The following ATP6V1C1 variants were observed in gnomAD, a reference collection of about 807,000 sequenced individuals.
The protein encoded by ATP6V1C1 is V-type proton ATPase subunit C 1.
A neutral mutation model predicts 53.9 loss-of-function variants in ATP6V1C1; 45 were observed. That is an observed-to-expected ratio of 0.83 (90% CI 0.66 to 1.07). The LOEUF (loss-of-function observed/expected upper bound fraction) is 1.07. Among genes scored for constraint, ATP6V1C1 ranks in the 50% least tolerant of loss-of-function variants. ATP6V1C1 has a pLI of 0.00. For synonymous variants in ATP6V1C1, 153 were observed against 155.2 expected (o/e 0.99, Z 0.11); for missense variants, 315 against 440.3 (o/e 0.72, Z 2.55).
intron 3 of ATP6V1C1, 117 bp downstream of exon 3, chr8:103,042,524 G>A (rs1169975939): frequency 5.3e-6 from 5 of 948,970 alleles, no homozygotes; most frequent in East Asian, 5.2e-5. Context: ...TTTAGAAAAC[G>A]ACTTTTTTCC....
At chr8:103,022,174 T>C (rs998094560) in intron 1 of ATP6V1C1, among the ~76,000 whole-genome samples, 18 of 152,164 alleles carry the variant, frequency 1.2e-4, no homozygotes, top group Admixed American at 1.1e-3. Context: ...TGGGAAGATA[T>C]TCTGGAGGAA....
intron 8 of ATP6V1C1, 54 bp from the exon 9 acceptor site, chr8:103,062,901 A>G: frequency 6.5e-7 from 1 of 1,529,478 alleles, no homozygotes; most frequent in East Asian, 2.3e-5. Context: ...TGCCCTTAAT[A>G]TGAAAGACAG....
chr8:103,040,677 C>T, intron 1 of ATP6V1C1, 121 bp from the exon 2 acceptor site: 2 of 818,298 alleles, frequency 2.4e-6, no homozygotes, highest in Non-Finnish European at 1.8e-6. Flanking sequence ...GCTTGAGATC[C>T]TATGCCAACA....
chr8:103,052,638 T>C, intron 5 of ATP6V1C1, 93 bp from the exon 6 acceptor site: 1 of 609,410 alleles, frequency 1.6e-6, no homozygotes, highest in Non-Finnish European at 2.6e-6. Flanking sequence ...AGTGGGTTTT[T>C]TTGTAGAAGT....
At chr8:103,038,999 G>A (rs983418519) in intron 1 of ATP6V1C1, among the ~76,000 whole-genome samples, 6 of 152,200 alleles carry the variant, frequency 3.9e-5, no homozygotes, top group Admixed American at 2.6e-4. Context: ...TGTAGGTAGA[G>A]CTGATAAAGG....
intron 1 of ATP6V1C1, among the ~76,000 whole-genome samples, chr8:103,035,444 C>G (rs987500379): frequency 6.6e-6 from 1 of 152,076 alleles, no homozygotes; most frequent in African/African-American, 2.4e-5. Flanking sequence ...GATTCTAGCT[C>G]TTCAGGATTT....
chr8:103,045,940 C>CA (rs150464257), intron 3 of ATP6V1C1, among the ~76,000 whole-genome samples: 12,027 of 141,562 alleles, frequency 0.085, 635 homozygotes, highest in Non-Finnish European at 0.11. Context: ...GACTCCGTTT[C>CA]AAAAAAAAAA....
At position 103,048,994 on chromosome 8, in the gene ATP6V1C1, C is replaced by A. The variant is rs772681405; in HGVS notation, c.286+39C>A. ...CATGATTGATCATTATTAACTCATA[C>A]AAAGCAAATAACTAAGCTACAGAAA... On this transcript the variant is annotated intron_variant, in intron 4 of 12. Coordinates refer to ENST00000518738, the MANE Select transcript of ATP6V1C1 (RefSeq NM_001695.5). 3.9e-6 allele frequency: 6 copies of A among 1,558,090 alleles called. No homozygotes were observed. In the African/African-American group the frequency reaches 8.2e-5, roughly 21 times the overall value.
chr8:103,059,200 T>C (rs776859499), intron 8 of ATP6V1C1, among the ~76,000 whole-genome samples: 10 of 152,170 alleles, frequency 6.6e-5, no homozygotes, highest in Non-Finnish European at 1.5e-4. Context: ...CAGAAGTTTC[T>C]CTATGTTTCA....
At chr8:103,039,318 T>C (rs1161315121) in intron 1 of ATP6V1C1, among the ~76,000 whole-genome samples, 1 of 152,168 alleles carries the variant, frequency 6.6e-6, no homozygotes, top group East Asian at 1.9e-4. Flanking sequence ...CTTTCAATGG[T>C]ATTGTAGTGA....
rs540192696 is a variant in ATP6V1C1 at position 103,071,953 on chromosome 8, A to C, written c.*3206A>C. ...TATATTTGGCAGGAACCCAGAGTCC[A>C]GAACATTTCATCTATGATGGGTTAG... On this transcript the variant is annotated 3_prime_UTR_variant, in exon 13 of 13. Coordinates refer to ENST00000518738, the MANE Select transcript of ATP6V1C1 (RefSeq NM_001695.5). The C allele has an allele frequency of 6.6e-6, 1 of 152,382 alleles. No homozygotes were observed. Among genetic ancestry groups the C allele is most frequent in the South Asian group, 2.1e-4 (1 of 4,832 alleles). The allele number at this position is 152,382 out of a possible 1,614,324, so 9.4% of individuals were successfully genotyped here. A position where few individuals can be genotyped will look rare whatever the true frequency, so the allele number is the denominator to read the frequency against.
intron 3 of ATP6V1C1, among the ~76,000 whole-genome samples, chr8:103,044,564 T>A (rs949537368): frequency 1.3e-5 from 2 of 152,236 alleles, no homozygotes; most frequent in African/African-American, 2.4e-5. Flanking sequence ...ATTTCTGGAC[T>A]CTCAGTTCTG....
intron 3 of ATP6V1C1, among the ~76,000 whole-genome samples, chr8:103,046,414 G>A (rs1817097804): frequency 6.6e-6 from 1 of 151,972 alleles, no homozygotes. Context: ...GTCTTGCTAT[G>A]TTGCCCAGGC....
intron 1 of ATP6V1C1, among the ~76,000 whole-genome samples, chr8:103,024,045 G>T (rs758314349): frequency 2.0e-5 from 3 of 152,130 alleles, no homozygotes; most frequent in Non-Finnish European, 4.4e-5. Flanking sequence ...AGTTCATCTG[G>T]AGGAAATAAT....
At chr8:103,023,004 G>A (rs1373508120) in intron 1 of ATP6V1C1, among the ~76,000 whole-genome samples, 1 of 152,156 alleles carries the variant, frequency 6.6e-6, no homozygotes, top group African/African-American at 2.4e-5. Flanking sequence ...AGTGAGCTGT[G>A]ATCATGCCAC....
chr8:103,028,007 T>C (rs1273010426), intron 1 of ATP6V1C1, among the ~76,000 whole-genome samples: 2 of 152,162 alleles, frequency 1.3e-5, no homozygotes, highest in Non-Finnish European at 2.9e-5. Context: ...GTGAGATGAA[T>C]AAGAGCTTTA....
Position 103,053,924 on chromosome 8 carries a change from AAGG to A in ATP6V1C1, c.516_518del (p.Lys172_Asp173delinsAsn). ...TAGAAGTCTAGCAGAAATTGTGAAG[AAGG>A]ATGACTTTGTTCTTGATTCAGAGTA... On this transcript the variant is annotated inframe_deletion, in exon 7 of 13. Transcript: ENST00000518738. 1 of 1,611,824 alleles carries A rather than the reference AAGG, an allele frequency of 6.2e-7. No individual in the cohort carries two copies. The highest frequency in any genetic ancestry group is 1.1e-5 in the South Asian group (1 of 90,714).
chr8:103,035,211 A>T (rs759752810), intron 1 of ATP6V1C1, among the ~76,000 whole-genome samples: 2 of 152,148 alleles, frequency 1.3e-5, no homozygotes, highest in African/African-American at 2.4e-5. Flanking sequence ...CCAATTTTTA[A>T]TTTTTACTGT....
intron 6 of ATP6V1C1, 38 bp from the exon 7 acceptor site, chr8:103,053,846 C>G: frequency 2.1e-6 from 3 of 1,455,742 alleles, no homozygotes; most frequent in Non-Finnish European, 1.9e-6. Context: ...TACAGAAGCA[C>G]ATAATTATCA....
Sources: allele counts gnomAD v4.1 joint callset (sites outside exome capture counted in the v4.1 genomes callset), GRCh38; gene constraint gnomAD v4.1.1; transcripts MANE v1.5; gene names NCBI Gene and HGNC (gene_info 2026-07-23, HGNC 2026-07-21).